Variants in EVI5 observed in about 807,000 individuals in gnomAD.
The protein encoded by EVI5 is ecotropic viral integration site 5 protein homolog.
A neutral mutation model predicts 112.0 loss-of-function variants in EVI5; 73 were observed. The ratio of observed to expected loss-of-function variants is 0.65; its 90% CI spans 0.54 to 0.79. The LOEUF is 0.79. Ranked by LOEUF, EVI5 falls within the 30% of genes least tolerant of loss-of-function variation. EVI5 has a pLI of 0.00. For missense variants in EVI5, 900 were observed against 968.8 expected, an observed-to-expected ratio of 0.93 and a Z score of 0.94; for synonymous variants, 305 against 319.9, an observed-to-expected ratio of 0.95 and a Z score of 0.50.
intron 1 of EVI5, among the ~76,000 whole-genome samples, chr1:92,765,660 T>C (rs1044765550): frequency 3.9e-5 from 6 of 152,172 alleles, no homozygotes; most frequent in Admixed American, 6.5e-5. Flanking sequence ...ACACAGAATT[T>C]TGCTGGATTC....
At chr1:92,619,626 A>G (rs1034237074) in intron 16 of EVI5, among the ~76,000 whole-genome samples, 1 of 151,888 alleles carries the variant, frequency 6.6e-6, no homozygotes, top group Admixed American at 6.6e-5. Context: ...TCAAAAAGAA[A>G]AGCTAGAGAT....
At chr1:92,518,706 T>C (rs138814333) in intron 19 of EVI5, among the ~76,000 whole-genome samples, 241 of 150,426 alleles carry the variant, frequency 1.6e-3, no homozygotes, top group African/African-American at 5.7e-3. Flanking sequence ...CTGAAAGTCA[T>C]GAGCTTCGAG....
At chr1:92,612,059 A>G (rs1651954883) in intron 16 of EVI5, among the ~76,000 whole-genome samples, 1 of 152,198 alleles carries the variant, frequency 6.6e-6, no homozygotes, top group East Asian at 1.9e-4. Flanking sequence ...ATGTACAATA[A>G]TAACTTGTAA....
At chr1:92,523,848 G>A (rs1165507583) in intron 19 of EVI5, among the ~76,000 whole-genome samples, 2 of 152,120 alleles carry the variant, frequency 1.3e-5, no homozygotes, top group African/African-American at 2.4e-5. Flanking sequence ...CACTTTGGGA[G>A]GCCGAGGCTG....
intron 9 of EVI5, among the ~76,000 whole-genome samples, chr1:92,687,665 A>G (rs1229724124): frequency 6.6e-6 from 1 of 152,236 alleles, no homozygotes; most frequent in African/African-American, 2.4e-5. Context: ...AATATCCAGC[A>G]TCTACAAAGA....
At chr1:92,753,437 T>C (rs1292433466) in intron 1 of EVI5, among the ~76,000 whole-genome samples, 3 of 152,230 alleles carry the variant, frequency 2.0e-5, no homozygotes, top group Non-Finnish European at 4.4e-5. Context: ...AGTAGCTATA[T>C]TCTAAAAAGT....
chr1:92,626,406 C>T (rs1655674570), intron 14 of EVI5, among the ~76,000 whole-genome samples: 1 of 152,174 alleles, frequency 6.6e-6, no homozygotes. Context: ...AGATATACCA[C>T]ATTTAATCTA....
intron 19 of EVI5, among the ~76,000 whole-genome samples, chr1:92,558,919 C>T (rs1225695441): frequency 1.3e-5 from 2 of 151,232 alleles, no homozygotes; most frequent in Non-Finnish European, 2.9e-5. Context: ...ACAACAACAA[C>T]AAACATCCAA....
At chr1:92,593,891 C>T (rs1674450277) in intron 18 of EVI5, among the ~76,000 whole-genome samples, 1 of 152,180 alleles carries the variant, frequency 6.6e-6, no homozygotes, top group Non-Finnish European at 1.5e-5. Context: ...TCAAGGAGAA[C>T]TACAAACCAC....
rs199624878 is a variant in EVI5, at chr1:92,693,752, A to G, written c.1097+50T>C. The stretch of plus-strand genomic sequence containing the variant: ...CTAAGGAGGAAAACTGTATCACTAG[A>G]ATGTTTTGCAACTTCCACTGAATTT... On this transcript the variant is annotated intron_variant, in intron 9 of 19. Transcript: ENST00000684568. 3.1e-6 allele frequency: 3 copies of G among 954,490 alleles called. No individual in the cohort carries two copies. In the South Asian group the frequency reaches 4.1e-5, roughly 13 times the overall value. 59.1% of individuals were successfully genotyped at this position (954,490 alleles called of 1,614,324 possible).
At chr1:92,674,040 C>T (rs1666303430) in intron 10 of EVI5, among the ~76,000 whole-genome samples, 1 of 152,130 alleles carries the variant, frequency 6.6e-6, no homozygotes, top group Non-Finnish European at 1.5e-5. Flanking sequence ...AAACTATCTT[C>T]CCATGGACTT....
intron 14 of EVI5, among the ~76,000 whole-genome samples, chr1:92,631,025 T>C (rs1435540057): frequency 1.3e-5 from 2 of 152,236 alleles, no homozygotes; most frequent in African/African-American, 4.8e-5. Context: ...GTCTGTTCTG[T>C]TCCATTGATC....
intron 13 of EVI5, among the ~76,000 whole-genome samples, chr1:92,640,365 A>T (rs973685702): frequency 6.6e-6 from 1 of 152,202 alleles, no homozygotes; most frequent in Non-Finnish European, 1.5e-5. Flanking sequence ...CCCATCTGAC[A>T]AAGGTCTAAA....
intron 18 of EVI5, among the ~76,000 whole-genome samples, chr1:92,605,011 G>T (rs1650048116): frequency 6.6e-6 from 1 of 152,136 alleles, no homozygotes; most frequent in Admixed American, 6.6e-5. Context: ...AGTTGCTGGG[G>T]AATGGGAAGT....
intron 10 of EVI5, among the ~76,000 whole-genome samples, chr1:92,671,032 T>TA (rs57856629): frequency 9.9e-5 from 15 of 151,018 alleles, no homozygotes; most frequent in African/African-American, 3.2e-4. Flanking sequence ...TCTCCTATCT[T>TA]AAAAAAAAAA....
intron 1 of EVI5, among the ~76,000 whole-genome samples, chr1:92,767,082 CAA>C (rs35316799): frequency 7.1e-5 from 8 of 113,176 alleles, no homozygotes; most frequent in African/African-American, 3.4e-5. Context: ...GACTCCCTCT[CAA>C]AAAAAAAAAA....
intron 19 of EVI5, among the ~76,000 whole-genome samples, chr1:92,539,958 A>G (rs1230931451): frequency 6.6e-6 from 1 of 152,158 alleles, no homozygotes; most frequent in Non-Finnish European, 1.5e-5. Context: ...AAATCATACA[A>G]TATGTGGCCT....
intron 2 of EVI5, among the ~76,000 whole-genome samples, chr1:92,725,008 A>T (rs1675347768): frequency 6.6e-6 from 1 of 152,136 alleles, no homozygotes; most frequent in Non-Finnish European, 1.5e-5. Context: ...GGAGATGATG[A>T]GAAGAGTCAT....
chr1:92,518,955 T>C (rs1273713659), intron 19 of EVI5, among the ~76,000 whole-genome samples: 1 of 152,190 alleles, frequency 6.6e-6, no homozygotes, highest in Non-Finnish European at 1.5e-5. Context: ...TTAAAATTTT[T>C]ATAATCATCT....
Sources: allele counts gnomAD v4.1 joint callset (sites outside exome capture counted in the v4.1 genomes callset), GRCh38; gene constraint gnomAD v4.1.1; transcripts MANE v1.5; gene names NCBI Gene and HGNC (gene_info 2026-07-23, HGNC 2026-07-21).